IGFBP2: variants seen among roughly 807,000 people sequenced by gnomAD.
The protein encoded by IGFBP2 is insulin like growth factor binding protein 2, also known as insulin-like growth factor-binding protein 2.
A neutral mutation model predicts 26.2 loss-of-function variants in IGFBP2; 12 were observed. That is an observed-to-expected ratio of 0.46 (90% confidence interval 0.29 to 0.74). The LOEUF (loss-of-function observed/expected upper bound fraction) is 0.74, where lower values mean the gene tolerates loss of function less well. Ranked by LOEUF, IGFBP2 falls within the 30% of genes least tolerant of loss-of-function variation. The pLI is 0.09. For synonymous variants in IGFBP2, 189 were observed against 200.6 expected (o/e 0.94, Z 0.49); for missense variants, 328 against 441.2 (o/e 0.74, Z 2.30).
intron 1 of IGFBP2, among the ~76,000 whole-genome samples, chr2:216,656,737 T>C (rs1179864901): frequency 1.3e-5 from 2 of 152,158 alleles, no homozygotes; most frequent in African/African-American, 4.8e-5. Flanking sequence ...CGTGTTGTTA[T>C]AGCCATAATA....
rs1196737002 is a variant in IGFBP2, at chr2:216,660,769, C to T, written c.655C>T (p.Arg219Ter). Residue 219 changes from arginine (R) to a stop codon, truncating the protein, a stop_gained, in exon 2 of 4, where the codon CGA (arginine) becomes TGA (stop). Coordinates refer to ENST00000233809, the MANE Select transcript of IGFBP2 (RefSeq NM_000597.3). LOFTEE classifies it high-confidence loss of function. ...TGGCCTGGAGGAGCCCAAGAAGCTG[C>T]GACCACCCCCTGCCAGGGTCAGTGA... The part of the protein sequence containing the change: ...HLGLEEPKKL[R>*]PPPARTPCQQ... The T allele has an allele frequency of 1.3e-6, 2 of 1,593,112 alleles. No individual in the cohort carries two copies. The highest frequency in any genetic ancestry group is 3.5e-5 in the Admixed American group (2 of 56,754).
rs557959798 is a variant in IGFBP2 at position 216,637,934 on chromosome 2, A to C, written c.442+3969A>C. ...CCGGTCGCATTGGCTCATGCCTGTA[A>C]TCCCAGCACTTTGGGAGGCCGAGGC... On this transcript the variant is annotated intron_variant, in intron 1 of 3. Transcript: ENST00000233809. 7.2e-5 allele frequency among the ~76,000 whole-genome samples: 11 copies of C among 152,330 alleles called. No individual in the cohort carries two copies. The South Asian group carries it at 8.3e-4, about 11-fold the overall frequency.
At chr2:216,648,493 C>T (rs1254418434) in intron 1 of IGFBP2, among the ~76,000 whole-genome samples, 5 of 152,136 alleles carry the variant, frequency 3.3e-5, no homozygotes, top group Non-Finnish European at 5.9e-5. Context: ...GTGAAGTCCG[C>T]CATGTCACTA....
At chr2:216,634,862 G>A (rs887634048) in intron 1 of IGFBP2, among the ~76,000 whole-genome samples, 1 of 140,422 alleles carries the variant, frequency 7.1e-6, no homozygotes, top group African/African-American at 2.6e-5. Flanking sequence ...AAAGTTATTT[G>A]AGGGACACAA....
At chr2:216,649,825 T>G (rs955796833) in intron 1 of IGFBP2, among the ~76,000 whole-genome samples, 1 of 152,128 alleles carries the variant, frequency 6.6e-6, no homozygotes, top group African/African-American at 2.4e-5. Context: ...CTGGAGAGGC[T>G]GTGCTGTTTC....
chr2:216,656,528 C>T (rs935329590), intron 1 of IGFBP2, among the ~76,000 whole-genome samples: 2 of 152,210 alleles, frequency 1.3e-5, no homozygotes, highest in African/African-American at 4.8e-5. Flanking sequence ...GGCCATTTGG[C>T]AACGAATGAA....
chr2:216,644,381 TTTCTA>T (rs1697670440), intron 1 of IGFBP2, among the ~76,000 whole-genome samples: 1 of 151,606 alleles, frequency 6.6e-6, no homozygotes, highest in South Asian at 2.1e-4. Flanking sequence ...CCTGGGGAGG[TTTCTA>T]ATTAGTGGAG....
At chr2:216,652,170 A>ATTTT (rs1165765392) in intron 1 of IGFBP2, among the ~76,000 whole-genome samples, 6 of 130,954 alleles carry the variant, frequency 4.6e-5, no homozygotes, top group Non-Finnish European at 8.2e-5. Flanking sequence ...TTTTAGCAGA[A>ATTTT]TTTTTTTTTT....
chr2:216,643,672 A>C (rs548151819), intron 1 of IGFBP2, among the ~76,000 whole-genome samples: 2 of 152,318 alleles, frequency 1.3e-5, no homozygotes. Flanking sequence ...AGCTAAAAAA[A>C]AAAAAATTGC....
chr2:216,660,656 T>G lies in IGFBP2; in HGVS notation c.542T>G (p.Leu181Arg). ...GGAGGCAGTGCTGGCCGGAAGCCCC[T>G]CAAGTCGGGTATGAAGGAGCTGGCC... ...GGGGSAGRKP[L>R]KSGMKELAVF... is the part of the protein sequence containing the mutation. The change falls in exon 2 of 4, where the codon CTC becomes CGC. Residue 181 changes from leucine to arginine, a missense_variant. Physicochemically the swap from Leu to Arg is moderately radical, Grantham distance 102. Coordinates refer to ENST00000233809, the MANE Select transcript of IGFBP2 (RefSeq NM_000597.3). The G allele has an allele frequency of 1.1e-5, 17 of 1,614,060 alleles. No homozygotes were observed. The highest frequency in any genetic ancestry group is 1.4e-5 in the Non-Finnish European group (16 of 1,180,020).
chr2:216,633,244 G>T (rs945942205), upstream of IGFBP2, among the ~76,000 whole-genome samples: 9 of 152,178 alleles, frequency 5.9e-5, no homozygotes, highest in African/African-American at 1.7e-4. Flanking sequence ...GGGAAGAGCA[G>T]GGAACCCCCA....
chr2:216,646,686 A>C (rs772943722), intron 1 of IGFBP2, among the ~76,000 whole-genome samples: 65 of 152,234 alleles, frequency 4.3e-4, no homozygotes, highest in Non-Finnish European at 8.1e-4. Context: ...ATGGTGGCAG[A>C]CAAGAGAGCT....
rs187261164 is a variant in IGFBP2, at chr2:216,643,288, T to C, written c.442+9323T>C. ...TTGCAAGGGGCTGTTGGATTCTCCA[T>C]AGAAACGCTGGGTTGGGGGAGTGTC... On this transcript the variant is annotated intron_variant, in intron 1 of 3. Transcript: ENST00000233809. 4.2e-3 allele frequency among the ~76,000 whole-genome samples: 646 copies of C among 152,316 alleles called. 4 individuals carry two copies. The highest frequency in any genetic ancestry group is 7.2e-3 in the Non-Finnish European group (493 of 68,022).
At chr2:216,638,759 G>A (rs1015435312) in intron 1 of IGFBP2, among the ~76,000 whole-genome samples, 1 of 151,518 alleles carries the variant, frequency 6.6e-6, no homozygotes, top group Non-Finnish European at 1.5e-5. Context: ...GAGTGCAGTG[G>A]TGCGATCTCG....
intron 1 of IGFBP2, among the ~76,000 whole-genome samples, chr2:216,644,554 A>AG (rs1197436836): frequency 2.0e-5 from 3 of 151,890 alleles, no homozygotes; most frequent in Non-Finnish European, 4.4e-5. Flanking sequence ...AGTTGAGAAG[A>AG]GGGGGGTGTT....
At chr2:216,638,769 G>A (rs963829659) in intron 1 of IGFBP2, among the ~76,000 whole-genome samples, 14 of 151,282 alleles carry the variant, frequency 9.3e-5, no homozygotes, top group African/African-American at 2.9e-4. Context: ...GTGCGATCTC[G>A]GCTCACTGCA....
chr2:216,642,869 C>CA lies in IGFBP2; in HGVS notation c.442+8905dup, dbSNP rs921364542. ...CTGGAAGACCTAGCCTTCTGGCTGT[C>CA]AGTGTCCAGAGCTCTGGAGAATCCC... On this transcript the variant is annotated intron_variant, in intron 1 of 3. Transcript: ENST00000233809. Among the ~76,000 whole-genome samples the CA allele has an allele frequency of 2.8e-4, 42 of 152,144 alleles. 1 individual carries two copies. The highest frequency in any genetic ancestry group is 9.7e-4 in the African/African-American group (40 of 41,428).
intron 2 of IGFBP2, chr2:216,661,514 G>C: frequency 2.5e-6 from 1 of 394,576 alleles, no homozygotes; most frequent in African/African-American, 2.1e-5. Context: ...ATGGAAAGAA[G>C]TGGAGCTTGG....
chr2:216,640,432 G>T (rs894406471), intron 1 of IGFBP2, among the ~76,000 whole-genome samples: 12 of 152,294 alleles, frequency 7.9e-5, no homozygotes, highest in African/African-American at 2.9e-4. Context: ...AACGTGGTTG[G>T]CAGATATTCT....
Sources: allele counts gnomAD v4.1 joint callset (sites outside exome capture counted in the v4.1 genomes callset), GRCh38; gene constraint gnomAD v4.1.1; transcripts MANE v1.5; gene names NCBI Gene and HGNC (gene_info 2026-07-23, HGNC 2026-07-21).